GABBR2: variants seen among roughly 807,000 people sequenced by gnomAD.
The protein encoded by GABBR2 is G-protein coupled receptor 51.
GABBR2 carries 23 observed loss-of-function variants against 105.6 expected under a neutral mutation model. That is an observed-to-expected ratio of 0.22 (90% CI 0.16 to 0.31). The LOEUF is 0.31. Among genes scored for constraint, GABBR2 ranks in the 10% least tolerant of loss-of-function variants. GABBR2 has a pLI of 1.00. For missense variants in GABBR2, 734 were observed against 1,245.5 expected, an observed-to-expected ratio of 0.59 and a Z score of 6.18; for synonymous variants, 478 against 499.7, an observed-to-expected ratio of 0.96 and a Z score of 0.58.
At chr9:98,357,059 C>G (rs1831496899) in intron 13 of GABBR2, among the ~76,000 whole-genome samples, 1 of 152,210 alleles carries the variant, frequency 6.6e-6, no homozygotes, top group South Asian at 2.1e-4. Flanking sequence ...ATATTTAGAA[C>G]AGTGAATCTA....
chr9:98,365,831 AAG>A (rs1491561698), intron 12 of GABBR2, among the ~76,000 whole-genome samples: 10 of 114,734 alleles, frequency 8.7e-5, no homozygotes, highest in African/African-American at 2.1e-4. Context: ...AAAGAAAAAA[AAG>A]AAGCACTGAT....
chr9:98,492,349 T>TAAAAAAAAAAAAAAAAA (rs574771107), intron 4 of GABBR2, among the ~76,000 whole-genome samples: 343 of 29,180 alleles, frequency 0.012, 60 homozygotes, highest in South Asian at 0.024. Context: ...TGTTTCCTAG[T>TAAAAAAAAAAAAAAAAA]AAAAAAAAAA....
At chr9:98,529,236 A>C (rs1828019009) in intron 3 of GABBR2, among the ~76,000 whole-genome samples, 2 of 152,230 alleles carry the variant, frequency 1.3e-5, no homozygotes, top group African/African-American at 4.8e-5. Flanking sequence ...AATTGTTGGA[A>C]TATAGGAAGA....
intron 3 of GABBR2, among the ~76,000 whole-genome samples, chr9:98,496,739 G>T (rs1008626390): frequency 6.6e-6 from 1 of 152,174 alleles, no homozygotes. Flanking sequence ...GGCCAGACAG[G>T]GAAGGGACTT....
intron 6 of GABBR2, among the ~76,000 whole-genome samples, chr9:98,458,620 A>G (rs956278253): frequency 1.3e-5 from 2 of 152,160 alleles, no homozygotes; most frequent in African/African-American, 4.8e-5. Flanking sequence ...CACAAGAATC[A>G]TTTGAACCCA....
At chr9:98,650,709 G>C (rs559562866) in intron 1 of GABBR2, among the ~76,000 whole-genome samples, 14 of 152,296 alleles carry the variant, frequency 9.2e-5, no homozygotes, top group African/African-American at 3.1e-4. Context: ...GATGAGCAGA[G>C]AAATAGATTG....
intron 1 of GABBR2, among the ~76,000 whole-genome samples, chr9:98,630,523 C>A (rs1829802187): frequency 6.6e-6 from 1 of 152,176 alleles, no homozygotes; most frequent in Non-Finnish European, 1.5e-5. Context: ...CCTACTGAGG[C>A]AGGACAGACT....
intron 1 of GABBR2, among the ~76,000 whole-genome samples, chr9:98,601,835 G>A (rs949455391): frequency 2.6e-5 from 4 of 152,200 alleles, no homozygotes; most frequent in African/African-American, 9.6e-5. Context: ...GGTGGGCACT[G>A]CCAGGCTGAG....
In GABBR2 at chr9:98,350,177, C is replaced by CAAAA. The variant is rs35948835; in HGVS notation, c.1893+12534_1893+12537dup. 2.8e-4 allele frequency among the ~76,000 whole-genome samples: 41 copies of CAAAA among 145,726 alleles called. 1 individual carries two copies. The highest frequency in any genetic ancestry group is 1.0e-3 in the African/African-American group (41 of 39,770). ...TAGTGGTTTATTGATTTTATCTTCTCAAAAAAAAAAACCCCACAAGTTCTC... is the reference window on the plus strand; with the variant it reads ...TAGTGGTTTATTGATTTTATCTTCTCAAAAAAAAAAAAAAACCCCACAAGTTCTC... On this transcript the variant is annotated intron_variant, in intron 13 of 18. Coordinates refer to ENST00000259455, the MANE Select transcript of GABBR2 (RefSeq NM_005458.8).
intron 1 of GABBR2, among the ~76,000 whole-genome samples, chr9:98,624,674 G>T (rs1829711110): frequency 3.3e-5 from 5 of 152,028 alleles, no homozygotes; most frequent in Admixed American, 2.0e-4. Flanking sequence ...TTGACCTCAT[G>T]GTCTGTGATG....
At chr9:98,338,523 A>G (rs1353890266) in intron 13 of GABBR2, among the ~76,000 whole-genome samples, 1 of 152,200 alleles carries the variant, frequency 6.6e-6, no homozygotes, top group Non-Finnish European at 1.5e-5. Context: ...GTAAAAAGAC[A>G]CTCAGCACCA....
intron 13 of GABBR2, among the ~76,000 whole-genome samples, chr9:98,358,716 C>G (rs186495753): frequency 1.8e-4 from 28 of 152,336 alleles, no homozygotes; most frequent in African/African-American, 4.3e-4. Flanking sequence ...TGAGCCATAG[C>G]TGGAGGCTTG....
chr9:98,433,539 T>G (rs1222903967), intron 7 of GABBR2, among the ~76,000 whole-genome samples: 1 of 152,222 alleles, frequency 6.6e-6, no homozygotes, highest in African/African-American at 2.4e-5. Flanking sequence ...TATGTTTTTT[T>G]CTACATATTC....
At chr9:98,571,798 C>T (rs1828835584) in intron 2 of GABBR2, among the ~76,000 whole-genome samples, 2 of 152,190 alleles carry the variant, frequency 1.3e-5, no homozygotes, top group South Asian at 4.1e-4. Flanking sequence ...GTGCTCCATG[C>T]TGGAAGCTTC....
intron 13 of GABBR2, among the ~76,000 whole-genome samples, chr9:98,323,453 G>C (rs181025454): frequency 6.6e-6 from 1 of 152,362 alleles, no homozygotes; most frequent in East Asian, 1.9e-4. Flanking sequence ...CCTGGCCTAG[G>C]AGTGCCTGTT....
chr9:98,346,184 G>C (rs1206173450), intron 13 of GABBR2, among the ~76,000 whole-genome samples: 1 of 152,142 alleles, frequency 6.6e-6, no homozygotes, highest in Non-Finnish European at 1.5e-5. Flanking sequence ...TCTGCTTTTC[G>C]TAAATGATTT....
At chr9:98,560,780 G>GTATATA (rs1828662779) in intron 2 of GABBR2, among the ~76,000 whole-genome samples, 1 of 29,654 alleles carries the variant, frequency 3.4e-5, no homozygotes, top group African/African-American at 7.4e-5. Context: ...CTATATAGTA[G>GTATATA]TGTATATATA....
At chr9:98,386,236 A>T (rs1219381308) in intron 10 of GABBR2, among the ~76,000 whole-genome samples, 4 of 140,434 alleles carry the variant, frequency 2.8e-5, no homozygotes, top group African/African-American at 1.1e-4. Context: ...TTTTGGCTGG[A>T]ACTAAGAACT....
chr9:98,577,591 C>A (rs377640658), intron 2 of GABBR2, among the ~76,000 whole-genome samples: 2 of 152,168 alleles, frequency 1.3e-5, no homozygotes, highest in South Asian at 2.1e-4. Flanking sequence ...GGCAGGGTGT[C>A]TGGCAAGGCT....
Sources: gnomAD v4.1 joint callset for allele counts (sites outside exome capture counted in the v4.1 genomes callset) on GRCh38, gnomAD v4.1.1 for gene constraint, MANE v1.5 for transcripts, NCBI Gene and HGNC (gene_info 2026-07-23, HGNC 2026-07-21) for gene names.